The following CTNNBIP1 variants were observed in gnomAD, a reference collection of about 807,000 sequenced individuals.
The protein encoded by CTNNBIP1 is catenin beta interacting protein 1.
A neutral mutation model predicts 11.8 loss-of-function variants in CTNNBIP1; 7 were observed. The ratio of observed to expected loss-of-function variants is 0.60; its 90% confidence interval spans 0.34 to 1.12. The LOEUF (loss-of-function observed/expected upper bound fraction) is 1.12, where lower values mean the gene tolerates loss of function less well. Ranked by LOEUF, CTNNBIP1 falls within the 50% of genes most tolerant of loss-of-function variation. The pLI is 0.03. For synonymous variants in CTNNBIP1, 58 were observed against 43.9 expected, an observed-to-expected ratio of 1.32 and a Z score of -1.26; for missense variants, 101 against 113.4, an observed-to-expected ratio of 0.89 and a Z score of 0.50.
chr1:9,879,962 AT>A (rs1032974196), intron 2 of CTNNBIP1, among the ~76,000 whole-genome samples: 16 of 152,146 alleles, frequency 1.1e-4, no homozygotes, highest in African/African-American at 3.4e-4. Flanking sequence ...CATTTTAAAA[AT>A]ATTTATTTAT....
intron 3 of CTNNBIP1, among the ~76,000 whole-genome samples, chr1:9,877,247 GTC>G (rs1361209138): frequency 1.3e-5 from 2 of 152,206 alleles, no homozygotes; most frequent in Non-Finnish European, 2.9e-5. Flanking sequence ...CCCTGTATGG[GTC>G]TCTGTCTGGG....
Position 9,871,240 on chromosome 1 carries a change from G to T in CTNNBIP1, c.134C>A (p.Ala45Glu). The change falls in exon 5 of 6, where the codon GCA becomes GAA. Residue 45 changes from alanine to glutamate, a missense_variant. Physicochemically the swap from Ala to Glu is moderately radical, Grantham distance 107. Transcript: ENST00000377263. This position sits in a 1 kb window ranked among gnomAD's most constrained non-coding sequence, Gnocchi z 5.2. ...GCTGAGCTGGCTGTTGACCACCCCT[G>T]CATAGGTGCGCAGGAACTCCTCCTC... ...ASEEEFLRTY[A>E]GVVNSQLSQL... 6.3e-7 allele frequency: 1 copy of T among 1,580,536 alleles called. No individual in the cohort carries two copies.
At chr1:9,854,763 G>T (rs1027275711) in intron 5 of CTNNBIP1, among the ~76,000 whole-genome samples, 2 of 151,810 alleles carry the variant, frequency 1.3e-5, no homozygotes, top group African/African-American at 2.4e-5. Flanking sequence ...TGCAACCTCC[G>T]CCTCCCAGGC....
rs1639127012 is a variant in CTNNBIP1 at position 9,883,661 on chromosome 1, C to T, written c.-110+44G>A. 6.5e-6 allele frequency: 1 copy of T among 153,212 alleles called. No homozygotes were observed. The highest frequency in any genetic ancestry group is 2.1e-4 in the South Asian group (1 of 4,842). 9.5% of individuals were successfully genotyped at this position (153,212 alleles called of 1,614,324 possible). A position where few individuals can be genotyped will look rare whatever the true frequency, so the allele number is the denominator to read the frequency against. On this transcript the variant is annotated intron_variant, in intron 2 of 5. Transcript: ENST00000377263. The surrounding 1 kb of genome is among the most constrained non-coding windows in gnomAD (Gnocchi z 5.6). ...TGCTCTTCTTCCTCTGCCTAGAAAC[C>T]CTTTCCCTCCCTCCTCATGGTCCTC... is the stretch of plus-strand genomic sequence containing the variant.
At chr1:9,885,349 T>C (rs193134306) in intron 1 of CTNNBIP1, among the ~76,000 whole-genome samples, 8 of 152,288 alleles carry the variant, frequency 5.3e-5, no homozygotes, top group African/African-American at 1.9e-4. Context: ...TTTTTCCATC[T>C]CTGAGCCTTT....
At chr1:9,890,136 C>T (rs572853821) in intron 1 of CTNNBIP1, among the ~76,000 whole-genome samples, 1 of 152,306 alleles carries the variant, frequency 6.6e-6, no homozygotes, top group South Asian at 2.1e-4. Flanking sequence ...GCCCAGATCT[C>T]GTTGTCTCTC....
At chr1:9,860,307 T>C (rs1258245508) in intron 5 of CTNNBIP1, among the ~76,000 whole-genome samples, 1 of 151,832 alleles carries the variant, frequency 6.6e-6, no homozygotes, top group Non-Finnish European at 1.5e-5. Context: ...ACCAGGATTC[T>C]AGGCCGGGTG....
chr1:9,857,034 A>G (rs1638518445), intron 5 of CTNNBIP1, among the ~76,000 whole-genome samples: 1 of 149,790 alleles, frequency 6.7e-6, no homozygotes, highest in Non-Finnish European at 1.5e-5. Context: ...AGGCAGGAGA[A>G]TCGCTTGAAC....
At chr1:9,859,339 G>A (rs1276300695) in intron 5 of CTNNBIP1, among the ~76,000 whole-genome samples, 1 of 152,128 alleles carries the variant, frequency 6.6e-6, no homozygotes, top group Non-Finnish European at 1.5e-5. Flanking sequence ...AATTGACTGG[G>A]GAGAAAAAAT....
rs368705211 is a variant in CTNNBIP1 at position 9,879,775 on chromosome 1, TATC to T, written c.-109-1789_-109-1787del. Among the ~76,000 whole-genome samples the T allele has an allele frequency of 1.4e-4, 21 of 152,288 alleles. No homozygotes were observed. The South Asian group carries it at 4.4e-3, about 32-fold the overall frequency. ...TTCTTCTACTACCATGACAGCCAAT[TATC>T]ATTCCCGTCTACAGGGCTCAGACCC... On this transcript the variant is annotated intron_variant, in intron 2 of 5. Coordinates refer to ENST00000377263, the MANE Select transcript of CTNNBIP1 (RefSeq NM_020248.3).
At chr1:9,887,512 C>T (rs746026891) in intron 1 of CTNNBIP1, among the ~76,000 whole-genome samples, 3 of 152,000 alleles carry the variant, frequency 2.0e-5, no homozygotes, top group Admixed American at 1.3e-4. Flanking sequence ...GTCAAGAGAT[C>T]GCCAACATAG....
At chr1:9,860,618 CAAAAAAA>C (rs35598626) in intron 5 of CTNNBIP1, among the ~76,000 whole-genome samples, 9 of 101,126 alleles carry the variant, frequency 8.9e-5, no homozygotes, top group East Asian at 2.7e-4. Context: ...CTTCATCTCT[CAAAAAAA>C]AAAAAAAAAA....
At position 9,872,041 on chromosome 1, in the gene CTNNBIP1, C is replaced by G; in HGVS notation, c.24G>C (p.Gly8=). The G allele has an allele frequency of 6.2e-7, 1 of 1,614,190 alleles. No homozygotes were observed. The highest frequency in any genetic ancestry group is 8.5e-7 in the Non-Finnish European group (1 of 1,179,998). The change falls in exon 4 of 6, where the codon GGG becomes GGC. Residue 8 remains glycine (G), a synonymous_variant. Transcript: ENST00000377263. This position sits in a 1 kb window ranked among gnomAD's most constrained non-coding sequence, Gnocchi z 4.0. ...GAATGTACATCTCCTCCGGACTCTT[C>G]CCGGGAGCTCCCTCGCGGTTCATCC... MNREGAP[G]KSPEEMYIQQ...
chr1:9,905,053 G>A (rs1332249861), intron 1 of CTNNBIP1, among the ~76,000 whole-genome samples: 3 of 152,098 alleles, frequency 2.0e-5, no homozygotes, highest in African/African-American at 7.2e-5. Flanking sequence ...AACCTCCCAG[G>A]ACAAGGAGAG....
At chr1:9,852,978 C>G (rs752106271) in intron 5 of CTNNBIP1, among the ~76,000 whole-genome samples, 5 of 152,204 alleles carry the variant, frequency 3.3e-5, no homozygotes, top group African/African-American at 4.8e-5. Flanking sequence ...GTCCTGCGCT[C>G]TGAGGGTGGG....
At chr1:9,907,484 A>G (rs1353615652) in intron 1 of CTNNBIP1, among the ~76,000 whole-genome samples, 1 of 152,092 alleles carries the variant, frequency 6.6e-6, no homozygotes, top group Non-Finnish European at 1.5e-5. Context: ...ATTCTCATTA[A>G]TAGCTCAAGT....
At chr1:9,893,790 C>T (rs1304154160) in intron 1 of CTNNBIP1, among the ~76,000 whole-genome samples, 3 of 152,208 alleles carry the variant, frequency 2.0e-5, no homozygotes, top group Non-Finnish European at 4.4e-5. Context: ...AAGGCATCAA[C>T]GCACAGGACA....
intron 2 of CTNNBIP1, among the ~76,000 whole-genome samples, chr1:9,882,667 AG>A (rs1158663464): frequency 6.6e-6 from 1 of 151,636 alleles, no homozygotes; most frequent in East Asian, 1.9e-4. Context: ...GCAGGAGAGG[AG>A]GGGGAGCAGC....
At chr1:9,868,223 C>T (rs1232330624) in intron 5 of CTNNBIP1, among the ~76,000 whole-genome samples, 2 of 152,194 alleles carry the variant, frequency 1.3e-5, no homozygotes, top group African/African-American at 4.8e-5. Flanking sequence ...ACTCCCACCA[C>T]CTATTCCGCA....
Sources: gnomAD v4.1 joint callset for allele counts (sites outside exome capture counted in the v4.1 genomes callset) on GRCh38, gnomAD v4.1.1 for gene constraint, Gnocchi (gnomAD v3.1) non-coding constraint, MANE v1.5 for transcripts, NCBI Gene and HGNC (gene_info 2026-07-23, HGNC 2026-07-21) for gene names.